Variants in NT5DC3 observed in about 807,000 individuals in gnomAD.
NT5DC3 encodes the protein 5'-nucleotidase domain containing 3, also known as 5'-nucleotidase domain-containing protein 3.
In NT5DC3, 42 loss-of-function variants were observed where a neutral mutation model predicts 67.8. That is an observed-to-expected ratio of 0.62 (90% confidence interval 0.48 to 0.80). The LOEUF (loss-of-function observed/expected upper bound fraction) is 0.80, where lower values mean the gene tolerates loss of function less well. Among genes scored for constraint, NT5DC3 ranks in the 30% least tolerant of loss-of-function variants. The pLI, the probability that NT5DC3 is intolerant of heterozygous loss-of-function variation, is 0.00. For synonymous variants in NT5DC3, 237 were observed against 255.6 expected, an observed-to-expected ratio of 0.93 and a Z score of 0.69; for missense variants, 570 against 696.4, an observed-to-expected ratio of 0.82 and a Z score of 2.04.
chr12:103,763,180 G>A, the NT5DC3 span: 2 of 274,424 alleles, frequency 7.3e-6, no homozygotes, highest in South Asian at 7.6e-5. Flanking sequence ...CAGGGTGATG[G>A]GAGTCAGAAC....
chr12:103,806,709 C>A, intron 3 of NT5DC3, 146 bp downstream of exon 3: 2 of 608,858 alleles, frequency 3.3e-6, no homozygotes. Flanking sequence ...AAGATTCTAT[C>A]CAAATATATG....
chr12:103,791,210 C>G (rs955838005), intron 9 of NT5DC3, among the ~76,000 whole-genome samples: 1 of 152,096 alleles, frequency 6.6e-6, no homozygotes, highest in Admixed American at 6.5e-5. Context: ...ACCCTGCCTG[C>G]GCCATCCAGG....
chr12:103,828,401 T>C (rs1004274508), intron 1 of NT5DC3, among the ~76,000 whole-genome samples: 1 of 152,248 alleles, frequency 6.6e-6, no homozygotes, highest in African/African-American at 2.4e-5. Context: ...TTCTTTCCTA[T>C]CTGAAAATGT....
the NT5DC3 span, chr12:103,759,423 A>G: frequency 8.3e-7 from 1 of 1,205,044 alleles, no homozygotes; most frequent in Non-Finnish European, 1.1e-6. Flanking sequence ...CCACTACAGC[A>G]TACCACACTG....
chr12:103,811,412 C>CT (rs1280382648), intron 2 of NT5DC3, among the ~76,000 whole-genome samples: 1 of 152,068 alleles, frequency 6.6e-6, no homozygotes, highest in Admixed American at 6.5e-5. Flanking sequence ...CTGGAGGAGG[C>CT]TGGGGAGGCC....
intron 1 of NT5DC3, among the ~76,000 whole-genome samples, chr12:103,834,060 TAGCAGCAACCCTGGCCTCTAGAGGCC>T (rs1283418246): frequency 6.6e-6 from 1 of 152,098 alleles, no homozygotes; most frequent in Non-Finnish European, 1.5e-5. Flanking sequence ...GTAGGATGTT[TAGCAGCAACCCTGGCCTCTAGAGGCC>T]AGCAGCACCC....
chr12:103,806,295 A>G (rs752480267), intron 4 of NT5DC3, 27 bp downstream of exon 4: 1 of 1,513,726 alleles, frequency 6.6e-7, no homozygotes, highest in Admixed American at 1.7e-5. Flanking sequence ...CTTCACGTAA[A>G]TTAAATGTAT....
chr12:103,827,557 A>G (rs1887746835), intron 1 of NT5DC3, among the ~76,000 whole-genome samples: 1 of 152,224 alleles, frequency 6.6e-6, no homozygotes. Flanking sequence ...ATTACAGTCT[A>G]TGCAGAGAGT....
At chr12:103,760,953 G>A in the NT5DC3 span, among the ~76,000 whole-genome samples, 1 of 152,156 alleles carries the variant, frequency 6.6e-6, no homozygotes, top group South Asian at 2.1e-4. Flanking sequence ...TTCTAACAGT[G>A]TGGTGCGATG....
At chr12:103,822,636 T>C (rs953670069) in intron 1 of NT5DC3, among the ~76,000 whole-genome samples, 4 of 152,202 alleles carry the variant, frequency 2.6e-5, no homozygotes, top group African/African-American at 9.7e-5. Context: ...TCCGTGTGTG[T>C]TGTTTTGGGG....
chr12:103,835,204 T>C (rs1041804741), intron 1 of NT5DC3, among the ~76,000 whole-genome samples: 1 of 152,140 alleles, frequency 6.6e-6, no homozygotes, highest in Admixed American at 6.5e-5. Flanking sequence ...GGGTGCTTAA[T>C]AAATGCTTGT....
intron 1 of NT5DC3, chr12:103,822,048 T>C (rs973778995): frequency 5.3e-5 from 8 of 152,096 alleles, no homozygotes; most frequent in Admixed American, 2.6e-4. Context: ...ACCATGTGAG[T>C]CAGAGTTTAA....
intron 1 of NT5DC3, among the ~76,000 whole-genome samples, chr12:103,825,741 T>G (rs1175348305): frequency 6.6e-6 from 1 of 152,222 alleles, no homozygotes; most frequent in Non-Finnish European, 1.5e-5. Flanking sequence ...GCCACTGCAC[T>G]GTAGCCTAGG....
chr12:103,759,697 T>C, the NT5DC3 span, among the ~76,000 whole-genome samples: 3 of 152,112 alleles, frequency 2.0e-5, no homozygotes, highest in Non-Finnish European at 4.4e-5. Context: ...AGGATGATGG[T>C]GATGGTGGTG....
the NT5DC3 span, chr12:103,746,787 C>A: frequency 7.3e-7 from 1 of 1,378,024 alleles, no homozygotes; most frequent in Non-Finnish European, 1.0e-6. Context: ...GGGCTTCATC[C>A]TAGCCCTCCT....
chr12:103,818,235 A>G (rs923849455), intron 1 of NT5DC3, among the ~76,000 whole-genome samples: 9 of 152,354 alleles, frequency 5.9e-5, no homozygotes, highest in African/African-American at 2.2e-4. Flanking sequence ...ATGAAGGCAC[A>G]TGTATGAACC....
the NT5DC3 span, chr12:103,759,179 T>C: frequency 6.2e-7 from 1 of 1,614,086 alleles, no homozygotes; most frequent in African/African-American, 1.3e-5. Flanking sequence ...AATGTCAGCA[T>C]GTTTTTCTAC....
chr12:103,778,466 G>A (rs1167500002), intron 13 of NT5DC3, among the ~76,000 whole-genome samples: 1 of 152,198 alleles, frequency 6.6e-6, no homozygotes, highest in African/African-American at 2.4e-5. Flanking sequence ...GGGAGGCAGA[G>A]GGTGCAGTAA....
the NT5DC3 span, chr12:103,753,129 C>A: frequency 6.5e-7 from 1 of 1,529,894 alleles, no homozygotes; most frequent in East Asian, 2.3e-5. Flanking sequence ...GTATAGCTGG[C>A]CTTCATTTTG....
Sources: gnomAD v4.1 joint callset for allele counts (sites outside exome capture counted in the v4.1 genomes callset) on GRCh38, gnomAD v4.1.1 for gene constraint, MANE v1.5 for transcripts, NCBI Gene and HGNC (gene_info 2026-07-23, HGNC 2026-07-21) for gene names.